TRIM22: variants seen among roughly 807,000 people sequenced by gnomAD.
TRIM22 encodes tripartite motif containing 22.
A neutral mutation model predicts 53.6 loss-of-function variants in TRIM22; 45 were observed. The observed-to-expected ratio is 0.84, with a 90% CI of 0.66 to 1.08. The LOEUF (loss-of-function observed/expected upper bound fraction) is 1.08. Among genes scored for constraint, TRIM22 ranks in the 50% least tolerant of loss-of-function variants. The probability of loss-of-function intolerance (pLI) is 0.00; values close to 1 mark genes in which losing one functional copy is unlikely to be tolerated. For missense variants in TRIM22, 616 were observed against 590.9 expected (o/e 1.04, Z -0.44); for synonymous variants, 225 against 216.6 (o/e 1.04, Z -0.34).
rs1259120232 is a variant in TRIM22, at chr11:5,708,595, A to G, written c.893A>G (p.Tyr298Cys). 1.2e-6 allele frequency: 2 copies of G among 1,607,868 alleles called. No individual in the cohort carries two copies. The highest frequency in any genetic ancestry group is 1.7e-5 in the Admixed American group (1 of 58,110). The change falls in exon 7 of 8, where the codon TAC becomes TGC. Residue 298 changes from tyrosine (Y) to cysteine (C), a missense_variant. Coordinates refer to ENST00000379965, the MANE Select transcript of TRIM22 (RefSeq NM_006074.5). ...QVLKELTDVQ[Y>C]YWVDVMLNPG... ...GTTTCAGAGCTGACAGATGTCCAGT[A>G]CTACTGGGGTAAGATGATATGGGGT...
At chr11:5,691,945 A>G (rs1853179426) in intron 1 of TRIM22, among the ~76,000 whole-genome samples, 2 of 152,208 alleles carry the variant, frequency 1.3e-5, no homozygotes, top group Admixed American at 1.3e-4. Context: ...AATAAATAAA[A>G]CTGTACTTTT....
Position 5,709,451 on chromosome 11 carries a change from CT to C in TRIM22, c.1301del (p.Leu434ProfsTer14), listed in dbSNP as rs1161220375. 4 of 1,614,208 alleles carry C rather than the reference CT, an allele frequency of 2.5e-6. No homozygotes were observed. Among genetic ancestry groups the C allele is most frequent in the Non-Finnish European group, 3.4e-6 (4 of 1,180,034 alleles). ...CTCTTCTGATCCCAAGGTTTTGACTCTCTTTATGGCTGTGCCTCCCTGTCGT... is the reference window on the plus strand; with the variant it reads ...CTCTTCTGATCCCAAGGTTTTGACTCCTTTATGGCTGTGCCTCCCTGTCGT... ...SSSSDPKVLT[L>X]FMAVPPCRIG... On this transcript the variant is annotated frameshift_variant, in exon 8 of 8. Transcript: ENST00000379965. LOFTEE classifies it high-confidence loss of function.
intron 4 of TRIM22, among the ~76,000 whole-genome samples, chr11:5,700,998 A>G (rs1206792755): frequency 1.3e-5 from 2 of 152,020 alleles, no homozygotes; most frequent in Non-Finnish European, 2.9e-5. Context: ...GATATGGGAG[A>G]TTACATTAAT....
In TRIM22 at chr11:5,698,405, A is replaced by G; in HGVS notation, c.610A>G (p.Lys204Glu). 2 of 1,614,192 alleles carry G rather than the reference A, an allele frequency of 1.2e-6. No individual in the cohort carries two copies. Among genetic ancestry groups the G allele is most frequent in the South Asian group, 1.1e-5 (1 of 91,086 alleles). ...LDNEEQRELQ[K>E]LEEGEVNVLD... is the part of the protein sequence containing the mutation. ...CAATGAGGAGCAGAGAGAGCTGCAA[A>G]AGCTGGAGGAAGGTGAGGTGAATGT... The change falls in exon 4 of 8, where the codon AAG (lysine) becomes GAG (glutamate). Residue 204 changes from lysine (K) to glutamate (E), a missense_variant. Transcript: ENST00000379965.
At chr11:5,705,880 C>T (rs947830695) in intron 4 of TRIM22, among the ~76,000 whole-genome samples, 44 of 152,202 alleles carry the variant, frequency 2.9e-4, no homozygotes, top group Non-Finnish European at 1.9e-4. Flanking sequence ...TTGTTTCATA[C>T]TGAAAAATGT....
chr11:5,697,139 T>G lies in TRIM22; in HGVS notation c.424-109T>G, dbSNP rs1052499492. 7.9e-6 allele frequency: 6 copies of G among 759,850 alleles called. No homozygotes were observed. In the African/African-American group the frequency reaches 8.8e-5, roughly 11 times the overall value. 47.1% of individuals were successfully genotyped at this position (759,850 alleles called of 1,614,324 possible). On this transcript the variant is annotated intron_variant, in intron 2 of 7. Coordinates refer to ENST00000379965, the MANE Select transcript of TRIM22 (RefSeq NM_006074.5). ...AGGTTCTAATCACCAGCCTCACTGT[T>G]TCTGTAAACTAGTTTCTTCTGAGAG...
chr11:5,692,130 G>T (rs1433986007), intron 1 of TRIM22, among the ~76,000 whole-genome samples: 1 of 152,164 alleles, frequency 6.6e-6, no homozygotes, highest in Non-Finnish European at 1.5e-5. Flanking sequence ...TCAAAAAAAG[G>T]AAGTAAACCA....
At chr11:5,707,132 AC>A (rs1420761213) in intron 5 of TRIM22, among the ~76,000 whole-genome samples, 1 of 152,162 alleles carries the variant, frequency 6.6e-6, no homozygotes, top group Non-Finnish European at 1.5e-5. Flanking sequence ...CACATACTTT[AC>A]CGTCTTGTAG....
intron 4 of TRIM22, among the ~76,000 whole-genome samples, chr11:5,703,584 A>G (rs1216165671): frequency 1.3e-5 from 2 of 151,930 alleles, no homozygotes; most frequent in African/African-American, 4.8e-5. Flanking sequence ...ACGGGGTTTC[A>G]CCTTGTTAGC....
Position 5,696,446 on chromosome 11 carries a change from C to T in TRIM22, c.214C>T (p.Arg72Trp), listed in dbSNP as rs757394632. ...CCAGCCTGGGAACCTCCGACCTAAT[C>T]GGCATCTGGCCAACATAGTTGAGAG... is the stretch of plus-strand genomic sequence containing the variant. ...RFQPGNLRPNRHLANIVERVK... is the reference protein window; with the variant it reads ...RFQPGNLRPNWHLANIVERVK... The change falls in exon 2 of 8, where the codon CGG (arginine) becomes TGG (tryptophan). Residue 72 changes from arginine to tryptophan, a missense_variant. By Grantham distance (101) the Arg-to-Trp change is moderately radical. Transcript: ENST00000379965. 2.3e-5 allele frequency: 37 copies of T among 1,614,082 alleles called. No homozygotes were observed. The highest frequency in any genetic ancestry group is 1.6e-4 in the East Asian group (7 of 44,894).
At chr11:5,706,340 G>C (rs1853456172) in intron 4 of TRIM22, among the ~76,000 whole-genome samples, 1 of 152,088 alleles carries the variant, frequency 6.6e-6, no homozygotes, top group African/African-American at 2.4e-5. Flanking sequence ...GAGGAAGGTG[G>C]ATAAAACTTT....
At chr11:5,696,032 A>G in intron 1 of TRIM22, 135 bp from the exon 2 acceptor site, 1 of 463,814 alleles carries the variant, frequency 2.2e-6, no homozygotes, top group Non-Finnish European at 3.8e-6. Context: ...TTATTCTGTC[A>G]TTGGTTTATT....
At chr11:5,698,179 T>C in intron 3 of TRIM22, 136 bp from the exon 4 acceptor site, 1 of 676,984 alleles carries the variant, frequency 1.5e-6, no homozygotes, top group South Asian at 1.9e-5. Flanking sequence ...TCACCAGAAA[T>C]TGTGTATTGG....
Position 5,708,274 on chromosome 11 carries a change from G to A in TRIM22, c.874+1G>A. On this transcript the variant is annotated splice_donor_variant, in intron 6 of 7. Transcript: ENST00000379965. LOFTEE classifies it high-confidence loss of function. ...AGTGGGATGCTGCAAGTTCTTAAAGGTAAGGGGATTCAGGGGAAGGCTGTG... is the reference window on the plus strand; with the variant it reads ...AGTGGGATGCTGCAAGTTCTTAAAGATAAGGGGATTCAGGGGAAGGCTGTG... The A allele has an allele frequency of 6.2e-7, 1 of 1,611,614 alleles. No homozygotes were observed. Among genetic ancestry groups the A allele is most frequent in the Non-Finnish European group, 8.5e-7 (1 of 1,177,738 alleles).
Position 5,696,268 on chromosome 11 carries a change from G to A in TRIM22, c.36G>A (p.Glu12=). 1.2e-6 allele frequency: 2 copies of A among 1,613,630 alleles called. No individual in the cohort carries two copies. Among genetic ancestry groups the A allele is most frequent in the Non-Finnish European group, 1.7e-6 (2 of 1,179,700 alleles). The change falls in exon 2 of 8, where the codon GAG becomes GAA. Residue 12 remains glutamate (E), a synonymous_variant. Transcript: ENST00000379965. ...CAGTAAAGGTAGACATAGAGAAGGA[G>A]GTGACCTGCCCCATCTGCCTGGAGC... ...DFSVKVDIEK[E]VTCPICLELL...
At position 5,704,909 on chromosome 11, in the gene TRIM22, G is replaced by T. The variant is rs538344805; in HGVS notation, c.751-1685G>T. Among the ~76,000 whole-genome samples, 6 of 152,316 alleles carry T rather than the reference G, an allele frequency of 3.9e-5. No individual in the cohort carries two copies. The East Asian group carries it at 1.2e-3, about 29-fold the overall frequency. ...AAGAGGTGGCAGAGAGCTGAGGAATGTGCCATTTTTTGCAAACAGTTTGGT... is the reference window on the plus strand; with the variant it reads ...AAGAGGTGGCAGAGAGCTGAGGAATTTGCCATTTTTTGCAAACAGTTTGGT... On this transcript the variant is annotated intron_variant, in intron 4 of 7. Coordinates refer to ENST00000379965, the MANE Select transcript of TRIM22 (RefSeq NM_006074.5).
chr11:5,690,121 G>A (rs563964241), intron 1 of TRIM22, among the ~76,000 whole-genome samples: 17 of 152,312 alleles, frequency 1.1e-4, no homozygotes, highest in Admixed American at 8.5e-4. Context: ...AGCCTTGCTT[G>A]TTTCCTAGAG....
rs1853522644 is a variant in TRIM22 at position 5,709,508 on chromosome 11, ATTGTCT to A, written c.1358_1363del (p.Ile453_Ser455delinsThr). On this transcript the variant is annotated inframe_deletion, in exon 8 of 8. Transcript: ENST00000379965. ...GGTTTTCCTAGACTATGAGGCAGGC[ATTGTCT>A]CATTTTTCAATGTCACAAACCACGG... 1 of 1,613,718 alleles carries A rather than the reference ATTGTCT, an allele frequency of 6.2e-7. No homozygotes were observed. Among genetic ancestry groups the A allele is most frequent in the Non-Finnish European group, 8.5e-7 (1 of 1,179,968 alleles).
rs139247773 is a variant in TRIM22, at chr11:5,710,497, C to A, written c.*849C>A. On this transcript the variant is annotated 3_prime_UTR_variant, in exon 8 of 8. Coordinates refer to ENST00000379965, the MANE Select transcript of TRIM22 (RefSeq NM_006074.5). Reference sequence around the variant, plus strand: ...TACCAGTGACACCCCATATTCATCACAAAATTAAAGCAAGAAGTCCATAGT... The same window carrying A: ...TACCAGTGACACCCCATATTCATCAAAAAATTAAAGCAAGAAGTCCATAGT... 1.3e-5 allele frequency: 2 copies of A among 152,146 alleles called. No individual in the cohort carries two copies. The highest frequency in any genetic ancestry group is 4.1e-4 in the South Asian group (2 of 4,834). 9.4% of individuals were successfully genotyped at this position (152,146 alleles called of 1,614,324 possible).
Sources: gnomAD v4.1 joint callset for allele counts (sites outside exome capture counted in the v4.1 genomes callset) on GRCh38, gnomAD v4.1.1 for gene constraint, MANE v1.5 for transcripts, NCBI Gene and HGNC (gene_info 2026-07-23, HGNC 2026-07-21) for gene names.